Variants in NRG2 observed in about 807,000 individuals in gnomAD.
NRG2 encodes the protein neuregulin 2.
In NRG2, 27 loss-of-function variants were observed where a neutral mutation model predicts 73.9. The ratio of observed to expected loss-of-function variants is 0.37; its 90% CI spans 0.27 to 0.50. NRG2 has a LOEUF of 0.50. Ranked by LOEUF, NRG2 falls within the 20% of genes least tolerant of loss-of-function variation. The pLI is 0.96. For synonymous variants in NRG2, 532 were observed against 541.0 expected, an observed-to-expected ratio of 0.98 and a Z score of 0.23; for missense variants, 1,126 against 1,210.1, an observed-to-expected ratio of 0.93 and a Z score of 1.03.
chr5:139,891,141 G>A (rs1463338137), intron 1 of NRG2, among the ~76,000 whole-genome samples: 1 of 152,232 alleles, frequency 6.6e-6, no homozygotes, highest in Middle Eastern at 3.2e-3. Flanking sequence ...GGATGGCGGT[G>A]GCCGCTGGTG....
At chr5:139,997,518 A>G (rs1758112215) in intron 1 of NRG2, among the ~76,000 whole-genome samples, 1 of 152,232 alleles carries the variant, frequency 6.6e-6, no homozygotes, top group South Asian at 2.1e-4. Flanking sequence ...TGAAAGAGGG[A>G]AGAGCAAAGG....
intron 1 of NRG2, among the ~76,000 whole-genome samples, chr5:139,914,673 T>C (rs1751116026): frequency 6.6e-6 from 1 of 152,240 alleles, no homozygotes; most frequent in Non-Finnish European, 1.5e-5. Context: ...TGTTTGGGAT[T>C]ATTTTTGCCC....
At chr5:139,939,204 TTTCCTTCC>T (rs199952110) in intron 1 of NRG2, among the ~76,000 whole-genome samples, 7,830 of 133,950 alleles carry the variant, frequency 0.058, 504 homozygotes, top group East Asian at 0.35. Context: ...CAAAGATTTC[TTTCCTTCC>T]TTCCTTCCTT....
At chr5:140,016,642 G>A (rs1759803734) in intron 1 of NRG2, among the ~76,000 whole-genome samples, 1 of 152,216 alleles carries the variant, frequency 6.6e-6, no homozygotes, top group Admixed American at 6.5e-5. Context: ...GAAAGACGTG[G>A]AAGTGATAGT....
rs70988722 is a variant in NRG2, at chr5:139,957,307, C to CTGTG, written c.701-69800_701-69797dup. On this transcript the variant is annotated intron_variant, in intron 1 of 9. Coordinates refer to ENST00000361474, the MANE Select transcript of NRG2 (RefSeq NM_004883.3). Reference sequence around the variant, plus strand: ...TCACCATCCCCCCACTCAAGAATCTCTGTGTGTGTGTGTGTGTGTGTGTGT... The same window carrying CTGTG: ...TCACCATCCCCCCACTCAAGAATCTCTGTGTGTGTGTGTGTGTGTGTGTGTGTGT... Among the ~76,000 whole-genome samples the CTGTG allele has an allele frequency of 2.4e-3, 344 of 143,982 alleles. 2 individuals carry two copies. The highest frequency in any genetic ancestry group is 6.9e-3 in the South Asian group (29 of 4,184). The allele number at this position is 143,982 out of a possible 152,430, so 94.5% of individuals were successfully genotyped here.
chr5:139,993,543 A>G (rs1269251103), intron 1 of NRG2, among the ~76,000 whole-genome samples: 1 of 152,184 alleles, frequency 6.6e-6, no homozygotes, highest in Non-Finnish European at 1.5e-5. Context: ...TCCAATCTAA[A>G]ATAGTCTCAC....
In NRG2 at chr5:139,989,615, A is replaced by G. The variant is rs989304496; in HGVS notation, c.700+52755T>C. Among the ~76,000 whole-genome samples, 19 of 151,964 alleles carry G rather than the reference A, an allele frequency of 1.3e-4. No individual in the cohort carries two copies. In the Middle Eastern group the frequency reaches 0.014, roughly 109 times the overall value. On this transcript the variant is annotated intron_variant, in intron 1 of 9. Coordinates refer to ENST00000361474, the MANE Select transcript of NRG2 (RefSeq NM_004883.3). Reference sequence around the variant, plus strand: ...GTGGCACGCAATAATTTTTGCACTTAGTGGTATTTGTTAAGATTCACGCAT... The same window carrying G: ...GTGGCACGCAATAATTTTTGCACTTGGTGGTATTTGTTAAGATTCACGCAT...
At chr5:140,030,984 G>A (rs1250257487) in intron 1 of NRG2, among the ~76,000 whole-genome samples, 2 of 150,788 alleles carry the variant, frequency 1.3e-5, no homozygotes, top group Non-Finnish European at 3.0e-5. Context: ...ATGACTTCTG[G>A]AAAAAAAAAC....
chr5:139,964,157 C>T (rs1305410943), intron 1 of NRG2, among the ~76,000 whole-genome samples: 1 of 152,082 alleles, frequency 6.6e-6, no homozygotes, highest in South Asian at 2.1e-4. Flanking sequence ...CCTTTAGAGC[C>T]AAGGCTGGGG....
chr5:139,960,455 C>T (rs1188266247), intron 1 of NRG2, among the ~76,000 whole-genome samples: 1 of 152,206 alleles, frequency 6.6e-6, no homozygotes, highest in Non-Finnish European at 1.5e-5. Context: ...GTGGAGGCTG[C>T]AGTGAGCCAA....
At position 139,888,467 on chromosome 5, in the gene NRG2, T is replaced by C. The variant is rs558514375; in HGVS notation, c.701-956A>G. Among the ~76,000 whole-genome samples the C allele has an allele frequency of 3.9e-5, 6 of 152,282 alleles. No homozygotes were observed. The East Asian group carries it at 1.2e-3, about 29-fold the overall frequency. ...TGTGGTCTTATTTCTCTCTGTGAGA[T>C]GGTTAAAAGCCTTCCAGTAGCAGAA... On this transcript the variant is annotated intron_variant, in intron 1 of 9. Coordinates refer to ENST00000361474, the MANE Select transcript of NRG2 (RefSeq NM_004883.3).
Position 139,887,216 on chromosome 5 carries a change from G to T in NRG2, c.872+124C>A. ...GCAAGGAAGGGGAGTATGGAGAGGG[G>T]CTGGGACTGGTTCCATGGGTGAGTC... On this transcript the variant is annotated intron_variant, in intron 2 of 9. Coordinates refer to ENST00000361474, the MANE Select transcript of NRG2 (RefSeq NM_004883.3). The surrounding 1 kb of genome is among the most constrained non-coding windows in gnomAD (Gnocchi z 4.5). 8.9e-7 allele frequency: 1 copy of T among 1,129,190 alleles called. No individual in the cohort carries two copies. Among genetic ancestry groups the T allele is most frequent in the South Asian group, 1.4e-5 (1 of 71,398 alleles). 69.9% of individuals were successfully genotyped at this position (1,129,190 alleles called of 1,614,324 possible). A position where few individuals can be genotyped will look rare whatever the true frequency, so the allele number is the denominator to read the frequency against.
rs573018384 is a variant in NRG2, at chr5:139,915,936, A to G, written c.701-28425T>C. ...GTAGGAAGTCATGGAGATAAGGCTA[A>G]AAAGACTGGGTGGGAACCAGGCTGC... On this transcript the variant is annotated intron_variant, in intron 1 of 9. Transcript: ENST00000361474. The surrounding 1 kb of genome is among the most constrained non-coding windows in gnomAD (Gnocchi z 4.0). Among the ~76,000 whole-genome samples, 1 of 152,328 alleles carries G rather than the reference A, an allele frequency of 6.6e-6. No individual in the cohort carries two copies. The highest frequency in any genetic ancestry group is 1.9e-4 in the East Asian group (1 of 5,180).
chr5:140,032,365 A>G (rs1761220001), intron 1 of NRG2, among the ~76,000 whole-genome samples: 1 of 152,256 alleles, frequency 6.6e-6, no homozygotes, highest in Non-Finnish European at 1.5e-5. Flanking sequence ...AAAACTCAAT[A>G]AAAGAGGACA....
intron 1 of NRG2, among the ~76,000 whole-genome samples, chr5:139,890,414 T>C (rs73791225): frequency 0.025 from 3,813 of 152,150 alleles, 156 homozygotes; most frequent in African/African-American, 0.088. Context: ...ACCTGCTTTT[T>C]TTATATTGCT....
At chr5:139,861,676 G>GT in intron 5 of NRG2, 1 of 499,862 alleles carries the variant, frequency 2.0e-6, no homozygotes, top group South Asian at 1.5e-5. Context: ...AAAAGTTGCC[G>GT]TAAGTACAGT....
At chr5:139,971,202 A>G (rs1755941997) in intron 1 of NRG2, among the ~76,000 whole-genome samples, 1 of 152,170 alleles carries the variant, frequency 6.6e-6, no homozygotes, top group African/African-American at 2.4e-5. Context: ...TTTCCCTGAG[A>G]GCCCCCAGGG....
chr5:140,040,455 T>G (rs768618590), intron 1 of NRG2, among the ~76,000 whole-genome samples: 3 of 152,120 alleles, frequency 2.0e-5, no homozygotes, highest in Non-Finnish European at 4.4e-5. Flanking sequence ...GAATACCCAC[T>G]AGAACAAACA....
At chr5:139,932,421 T>TAAAA (rs35539824) in intron 1 of NRG2, among the ~76,000 whole-genome samples, 8 of 150,890 alleles carry the variant, frequency 5.3e-5, no homozygotes, top group African/African-American at 2.0e-4. Flanking sequence ...TTTTTTTTTT[T>TAAAA]AAAAAAAGCT....
Sources: gnomAD v4.1 joint callset for allele counts (sites outside exome capture counted in the v4.1 genomes callset) on GRCh38, gnomAD v4.1.1 for gene constraint, Gnocchi (gnomAD v3.1) non-coding constraint, MANE v1.5 for transcripts, NCBI Gene and HGNC (gene_info 2026-07-23, HGNC 2026-07-21) for gene names.